The following TM7SF3 variants were observed in gnomAD, a reference collection of about 807,000 sequenced individuals.
TM7SF3 encodes seven span transmembrane protein.
TM7SF3 carries 60 observed loss-of-function variants against 65.5 expected under a neutral mutation model. The observed-to-expected ratio is 0.92, with a 90% CI of 0.74 to 1.14. TM7SF3 has a LOEUF of 1.14. Ranked by LOEUF, TM7SF3 falls within the 50% of genes most tolerant of loss-of-function variation. The probability of loss-of-function intolerance (pLI) is 0.00; values close to 1 mark genes in which losing one functional copy is unlikely to be tolerated. For missense variants in TM7SF3, 623 were observed against 684.8 expected (o/e 0.91, Z 1.01); for synonymous variants, 264 against 259.6 (o/e 1.02, Z -0.16).
At chr12:26,984,021 A>G (rs1939932189) in intron 6 of TM7SF3, among the ~76,000 whole-genome samples, 4 of 152,250 alleles carry the variant, frequency 2.6e-5, no homozygotes, top group Admixed American at 2.6e-4. Flanking sequence ...AGTGCTCAGA[A>G]TGGAGAAACC....
chr12:27,005,495 T>C (rs1940996572), intron 1 of TM7SF3, among the ~76,000 whole-genome samples: 1 of 152,190 alleles, frequency 6.6e-6, no homozygotes, highest in Non-Finnish European at 1.5e-5. Context: ...CTAATAATCC[T>C]CATGTCTATC....
rs1939557944 is a variant in TM7SF3, at chr12:26,976,259, C to G, written c.1287+1G>C. Reference sequence around the variant, plus strand: ...AATCTAACTTTTGATGAAACACTTACTATTCTTAGGCAGCCCATGAAAACT... The same window carrying G: ...AATCTAACTTTTGATGAAACACTTAGTATTCTTAGGCAGCCCATGAAAACT... On this transcript the variant is annotated splice_donor_variant, in intron 10 of 11. Coordinates refer to ENST00000343028, the MANE Select transcript of TM7SF3 (RefSeq NM_016551.3). LOFTEE classifies it high-confidence loss of function. 1.9e-6 allele frequency: 3 copies of G among 1,602,532 alleles called. No individual in the cohort carries two copies. The highest frequency in any genetic ancestry group is 2.2e-5 in the East Asian group (1 of 44,810).
At position 26,976,329 on chromosome 12, in the gene TM7SF3, A is replaced by G. The variant is rs1188134675; in HGVS notation, c.1218T>C (p.Gly406=). The change falls in exon 10 of 12, where the codon GGT becomes GGC. Residue 406 remains glycine, a synonymous_variant. Coordinates refer to ENST00000343028, the MANE Select transcript of TM7SF3 (RefSeq NM_016551.3). ...LGNLKIFHDD[G]VFWVTFSCIA... is the part of the protein sequence containing the mutation. ...TGCAAGAGAAAGTGACCCAGAATAC[A>G]CCATCATCATGAAAAATCTTTAGGT... 1 of 1,613,826 alleles carries G rather than the reference A, an allele frequency of 6.2e-7. No individual in the cohort carries two copies. The highest frequency in any genetic ancestry group is 1.3e-5 in the African/African-American group (1 of 74,912).
intron 1 of TM7SF3, among the ~76,000 whole-genome samples, chr12:27,011,377 A>T (rs1941238302): frequency 6.6e-6 from 1 of 152,130 alleles, no homozygotes; most frequent in South Asian, 2.1e-4. Context: ...GTGAACTGGG[A>T]CTCCAAGAGA....
intron 4 of TM7SF3, among the ~76,000 whole-genome samples, chr12:26,996,131 T>C (rs573286254): frequency 8.0e-5 from 12 of 149,460 alleles, no homozygotes; most frequent in African/African-American, 2.7e-4. Flanking sequence ...CAGGGCAACA[T>C]AGAAAGACCT....
chr12:26,991,826 TCTA>T (rs1940380367), intron 5 of TM7SF3, among the ~76,000 whole-genome samples: 3 of 152,336 alleles, frequency 2.0e-5, no homozygotes, highest in African/African-American at 7.2e-5. Flanking sequence ...TCTCCCCAAC[TCTA>T]CTTTTTTCCT....
chr12:26,992,036 T>C (rs1940390535), intron 5 of TM7SF3, among the ~76,000 whole-genome samples: 1 of 152,140 alleles, frequency 6.6e-6, no homozygotes. Flanking sequence ...ATGCCAATGC[T>C]ATGCAAACAC....
At chr12:26,993,033 A>G (rs1940442107) in intron 5 of TM7SF3, among the ~76,000 whole-genome samples, 1 of 151,100 alleles carries the variant, frequency 6.6e-6, no homozygotes, top group Non-Finnish European at 1.5e-5. Flanking sequence ...AGCCTCCTCA[A>G]TATCTGGGAC....
At chr12:27,002,444 AT>A (rs1241040656) in intron 2 of TM7SF3, among the ~76,000 whole-genome samples, 1 of 152,168 alleles carries the variant, frequency 6.6e-6, no homozygotes, top group African/African-American at 2.4e-5. Context: ...AAAAAAAAAA[AT>A]AAAAATTTTA....
chr12:26,986,895 T>C (rs1158131633), intron 6 of TM7SF3, among the ~76,000 whole-genome samples: 2 of 152,174 alleles, frequency 1.3e-5, no homozygotes, highest in Non-Finnish European at 2.9e-5. Flanking sequence ...CCAAAGTTGA[T>C]TACTCTCTCT....
Position 27,003,286 on chromosome 12 carries a change from T to C in TM7SF3, c.196A>G (p.Ile66Val). ...HDISSNVTFL[I>V]FQIHSQYQNT... is the part of the protein sequence containing the mutation. ...TGATACTGTGAGTGTATTTGGAAAA[T>C]AAGAAAAGTCACATTGCTTGAAATA... Residue 66 changes from isoleucine to valine, a missense_variant, in exon 2 of 12, where the codon ATT (isoleucine) becomes GTT (valine). By Grantham distance (29) the Ile-to-Val change is conservative. Transcript: ENST00000343028. 1 of 1,613,416 alleles carries C rather than the reference T, an allele frequency of 6.2e-7. No individual in the cohort carries two copies. The highest frequency in any genetic ancestry group is 8.5e-7 in the Non-Finnish European group (1 of 1,179,616).
In TM7SF3 at chr12:26,972,062, T is replaced by C. The variant is rs1040122870; in HGVS notation, c.*1903A>G. On this transcript the variant is annotated 3_prime_UTR_variant, in exon 12 of 12. Coordinates refer to ENST00000343028, the MANE Select transcript of TM7SF3 (RefSeq NM_016551.3). ...TGTATGCAACAACATTCCACAACCC[T>C]AATACCACTCAGGCCTGCAGAGTCA... 1.3e-5 allele frequency: 2 copies of C among 152,176 alleles called. No individual in the cohort carries two copies. Among genetic ancestry groups the C allele is most frequent in the Non-Finnish European group, 2.9e-5 (2 of 68,034 alleles). The allele number at this position is 152,176 out of a possible 1,614,324, so 9.4% of individuals were successfully genotyped here.
chr12:27,002,986 T>C (rs1940894518), intron 2 of TM7SF3, among the ~76,000 whole-genome samples: 1 of 152,228 alleles, frequency 6.6e-6, no homozygotes, highest in Non-Finnish European at 1.5e-5. Flanking sequence ...GTGACATTTG[T>C]CACAGGGTGC....
At chr12:26,985,721 C>G (rs998501176) in intron 6 of TM7SF3, among the ~76,000 whole-genome samples, 2 of 142,844 alleles carry the variant, frequency 1.4e-5, no homozygotes, top group Non-Finnish European at 3.0e-5. Context: ...TGCATTGTAT[C>G]CCTCAAGGAT....
intron 11 of TM7SF3, 129 bp from the exon 12 acceptor site, chr12:26,974,356 C>G (rs989437325): frequency 4.0e-5 from 38 of 961,472 alleles, no homozygotes; most frequent in Non-Finnish European, 5.4e-5. Context: ...AGTCCAAACA[C>G]ATATGTAGTT....
intron 6 of TM7SF3, 144 bp downstream of exon 6, chr12:26,990,306 T>C (rs1940292216): frequency 1.8e-6 from 1 of 552,472 alleles, no homozygotes; most frequent in African/African-American, 1.9e-5. Context: ...GCTGTTTTGT[T>C]TACTGCTATG....
Position 27,003,253 on chromosome 12 carries a change from T to A in TM7SF3, c.229A>T (p.Thr77Ser). 1 of 1,610,880 alleles carries A rather than the reference T, an allele frequency of 6.2e-7. No individual in the cohort carries two copies. Among genetic ancestry groups the A allele is most frequent in the Non-Finnish European group, 8.5e-7 (1 of 1,178,484 alleles). The change falls in exon 2 of 12, where the codon ACT becomes TCT. Residue 77 changes from threonine (T) to serine (S), a missense_variant. Transcript: ENST00000343028. ...FQIHSQYQNT[T>S]VSFSPTLLSN... Reference sequence around the variant, plus strand: ...GCACTTACCGGAGAAAAGGAAACAGTTGTATTCTGATACTGTGAGTGTATT... The same window carrying A: ...GCACTTACCGGAGAAAAGGAAACAGATGTATTCTGATACTGTGAGTGTATT...
rs991096187 is a variant in TM7SF3, at chr12:26,980,336, A to G, written c.1036+230T>C. On this transcript the variant is annotated intron_variant, in intron 8 of 11. Coordinates refer to ENST00000343028, the MANE Select transcript of TM7SF3 (RefSeq NM_016551.3). ...TAGCCAGAACACAGGTCTATAATCA[A>G]TATGGCCCCTCCTTTCCCTAAGTAC... The G allele has an allele frequency of 6.7e-5, 37 of 549,220 alleles. No individual in the cohort carries two copies. The East Asian group carries it at 7.9e-4, about 12-fold the overall frequency. 34.0% of individuals were successfully genotyped at this position (549,220 alleles called of 1,614,324 possible).
intron 1 of TM7SF3, among the ~76,000 whole-genome samples, chr12:27,010,307 C>A (rs1470374740): frequency 6.6e-6 from 1 of 152,154 alleles, no homozygotes; most frequent in Non-Finnish European, 1.5e-5. Context: ...GAAAGAAAGA[C>A]AATCAGGCAC....
Sources: gnomAD v4.1 joint callset for allele counts (sites outside exome capture counted in the v4.1 genomes callset) on GRCh38, gnomAD v4.1.1 for gene constraint, MANE v1.5 for transcripts, NCBI Gene and HGNC (gene_info 2026-07-23, HGNC 2026-07-21) for gene names.